The following SEMA7A variants were observed in gnomAD, a reference collection of about 807,000 sequenced individuals.
The protein encoded by SEMA7A is semaphorin 7A (JohnMiltonHagen blood group).
A neutral mutation model predicts 67.5 loss-of-function variants in SEMA7A; 21 were observed. That is an observed-to-expected ratio of 0.31 (90% CI 0.22 to 0.45). SEMA7A has a LOEUF of 0.45. Ranked by LOEUF, SEMA7A falls within the 20% of genes least tolerant of loss-of-function variation. SEMA7A has a pLI of 1.00. For missense variants in SEMA7A, 774 were observed against 908.6 expected, an observed-to-expected ratio of 0.85 and a Z score of 1.90; for synonymous variants, 364 against 368.5, an observed-to-expected ratio of 0.99 and a Z score of 0.14.
chr15:74,421,881 G>C (rs1048932182), intron 1 of SEMA7A, among the ~76,000 whole-genome samples: 1 of 152,186 alleles, frequency 6.6e-6, no homozygotes, highest in Non-Finnish European at 1.5e-5. Context: ...CCCTAAAAAG[G>C]CCAGGCCAAG....
At position 74,414,018 on chromosome 15, in the gene SEMA7A, A is replaced by C. The variant is rs1023881850; in HGVS notation, c.1294+529T>G. ...CCCAGCAGGGCCTACTCCAGGGAAG[A>C]AGAGAAGCTGCCCCTGTCCTCTGTG... On this transcript the variant is annotated intron_variant, in intron 10 of 13. Coordinates refer to ENST00000261918, the MANE Select transcript of SEMA7A (RefSeq NM_003612.5). This position sits in a 1 kb window ranked among gnomAD's most constrained non-coding sequence, Gnocchi z 4.1. Among the ~76,000 whole-genome samples, 2 of 152,168 alleles carry C rather than the reference A, an allele frequency of 1.3e-5. No homozygotes were observed. The highest frequency in any genetic ancestry group is 2.9e-5 in the Non-Finnish European group (2 of 68,018).
chr15:74,426,141 G>A (rs1051205309), intron 1 of SEMA7A, among the ~76,000 whole-genome samples: 2 of 152,152 alleles, frequency 1.3e-5, no homozygotes, highest in Non-Finnish European at 2.9e-5. Context: ...CAGACATGGT[G>A]GTGTGCGCCT....
rs757881557 is a variant in SEMA7A at position 74,411,819 on chromosome 15, C to G, written c.1422+66G>C. 1.0e-4 allele frequency: 167 copies of G among 1,604,740 alleles called. No homozygotes were observed. Among genetic ancestry groups the G allele is most frequent in the Non-Finnish European group, 1.3e-4 (158 of 1,175,978 alleles). Reference sequence around the variant, plus strand: ...CTTAAAAGAACACACAAATCACATGCAAAGGAGCCCTGTCCTCAGCTGCAG... The same window carrying G: ...CTTAAAAGAACACACAAATCACATGGAAAGGAGCCCTGTCCTCAGCTGCAG... On this transcript the variant is annotated intron_variant, in intron 11 of 13. Transcript: ENST00000261918. The surrounding 1 kb of genome is among the most constrained non-coding windows in gnomAD (Gnocchi z 4.4).
chr15:74,415,706 C>T, intron 8 of SEMA7A, 95 bp downstream of exon 8: 1 of 1,276,828 alleles, frequency 7.8e-7, no homozygotes, highest in Non-Finnish European at 1.1e-6. Context: ...CTGCTCCTGC[C>T]ACACCAGGGA....
chr15:74,429,679 G>T (rs905821130), intron 1 of SEMA7A, among the ~76,000 whole-genome samples: 1 of 152,170 alleles, frequency 6.6e-6, no homozygotes, highest in African/African-American at 2.4e-5. Flanking sequence ...TCACTGCTGC[G>T]CCAGTCATAG....
chr15:74,416,320 C>T (rs552420806), intron 7 of SEMA7A, among the ~76,000 whole-genome samples: 1 of 145,634 alleles, frequency 6.9e-6, no homozygotes, highest in Admixed American at 6.8e-5. Flanking sequence ...ACAGGCAAAA[C>T]ACACACACAC....
chr15:74,430,244 G>A (rs149216006), intron 1 of SEMA7A, among the ~76,000 whole-genome samples: 33 of 152,228 alleles, frequency 2.2e-4, no homozygotes, highest in African/African-American at 6.3e-4. Flanking sequence ...AGGAAAGAAC[G>A]CGAACTTAAG....
rs2060879645 is a variant in SEMA7A at position 74,409,409 on chromosome 15, C to G, written c.*1215G>C. 1 of 152,320 alleles carries G rather than the reference C, an allele frequency of 6.6e-6. No individual in the cohort carries two copies. Among genetic ancestry groups the G allele is most frequent in the Non-Finnish European group, 1.5e-5 (1 of 68,104 alleles). 9.4% of individuals were successfully genotyped at this position (152,320 alleles called of 1,614,324 possible). The stretch of plus-strand genomic sequence containing the variant: ...CACTGCCCTGGGTGGCCAGACACAG[C>G]CGGAGAAGGGCCCAGCTCCCCCCTG... On this transcript the variant is annotated 3_prime_UTR_variant, in exon 14 of 14. Coordinates refer to ENST00000261918, the MANE Select transcript of SEMA7A (RefSeq NM_003612.5).
chr15:74,422,615 G>T (rs2061009464), intron 1 of SEMA7A, among the ~76,000 whole-genome samples: 1 of 152,220 alleles, frequency 6.6e-6, no homozygotes, highest in Non-Finnish European at 1.5e-5. Context: ...GGCCAGATAG[G>T]AGGGCTGCAA....
At chr15:74,418,242 C>CATA in intron 3 of SEMA7A, 26 bp downstream of exon 3, 1 of 1,610,424 alleles carries the variant, frequency 6.2e-7, no homozygotes, top group Non-Finnish European at 8.5e-7. Flanking sequence ...TGGCTCAGAC[C>CATA]CCTCCATACC....
intron 7 of SEMA7A, among the ~76,000 whole-genome samples, 165 bp downstream of exon 7, chr15:74,416,406 CACAG>C (rs1476644882): frequency 6.6e-6 from 1 of 152,196 alleles, no homozygotes; most frequent in Non-Finnish European, 1.5e-5. Flanking sequence ...TTTACCCACA[CACAG>C]ACACATGATG....
intron 1 of SEMA7A, among the ~76,000 whole-genome samples, chr15:74,432,016 A>G (rs1038155722): frequency 6.9e-6 from 1 of 144,132 alleles, no homozygotes. Context: ...GCAACTTTAA[A>G]TAGCCTCAGG....
rs780358582 is a variant in SEMA7A, at chr15:74,414,812, TG to T, written c.1095+25del. 6.2e-7 allele frequency: 1 copy of T among 1,613,920 alleles called. No individual in the cohort carries two copies. Among genetic ancestry groups the T allele is most frequent in the South Asian group, 1.1e-5 (1 of 91,072 alleles). On this transcript the variant is annotated intron_variant, in intron 9 of 13. Transcript: ENST00000261918. This position sits in a 1 kb window ranked among gnomAD's most constrained non-coding sequence, Gnocchi z 4.1. ...GGTGAGGCAGAAGGAGGGCTGGGCCTGGGCCACGGCTGGTGTCACGCTCACC... is the reference window on the plus strand; with the variant it reads ...GGTGAGGCAGAAGGAGGGCTGGGCCTGGCCACGGCTGGTGTCACGCTCACC...
At chr15:74,416,325 A>G (rs1247203468) in intron 7 of SEMA7A, among the ~76,000 whole-genome samples, 1 of 150,330 alleles carries the variant, frequency 6.7e-6, no homozygotes, top group Middle Eastern at 3.4e-3. Context: ...CAAAACACAC[A>G]CACACACACA....
At chr15:74,413,412 T>C (rs2060918564) in intron 10 of SEMA7A, among the ~76,000 whole-genome samples, 1 of 152,200 alleles carries the variant, frequency 6.6e-6, no homozygotes, top group East Asian at 1.9e-4. Context: ...CGAAGACACC[T>C]TCTCTAATCA....
At chr15:74,415,563 G>A (rs1378974913) in intron 8 of SEMA7A, among the ~76,000 whole-genome samples, 2 of 152,066 alleles carry the variant, frequency 1.3e-5, no homozygotes, top group Admixed American at 1.3e-4. Flanking sequence ...CACAAGTGCA[G>A]TCATGAGTGT....
At chr15:74,417,826 C>T (rs756727110) in intron 4 of SEMA7A, 51 bp downstream of exon 4, 18 of 1,590,054 alleles carry the variant, frequency 1.1e-5, no homozygotes, top group Non-Finnish European at 1.6e-5. Context: ...GGGCAGAAGC[C>T]CACGCAGTAG....
At position 74,411,596 on chromosome 15, in the gene SEMA7A, A is replaced by C; in HGVS notation, c.1537T>G (p.Trp513Gly). Reference sequence around the variant, plus strand: ...ATGGAGATGCAGCGGCCTTGGTCCCAGCCGCAGTAGGGGTCTCGGGACATG... The same window carrying C: ...ATGGAGATGCAGCGGCCTTGGTCCCCGCCGCAGTAGGGGTCTCGGGACATG... ...CLMSRDPYCG[W>G]DQGRCISIYS... The change falls in exon 12 of 14, where the codon TGG becomes GGG. Residue 513 changes from tryptophan (W) to glycine (G), a missense_variant. Trp to Gly is a radical substitution (Grantham distance 184). This residue lies in a region of SEMA7A where 427 missense variants were observed against 555.4 expected (regional missense o/e 0.77). Transcript: ENST00000261918. The surrounding 1 kb of genome is among the most constrained non-coding windows in gnomAD (Gnocchi z 4.4). 6.3e-7 allele frequency: 1 copy of C among 1,595,294 alleles called. No individual in the cohort carries two copies. Among genetic ancestry groups the C allele is most frequent in the Non-Finnish European group, 8.5e-7 (1 of 1,170,072 alleles).
In SEMA7A at chr15:74,411,788, G is replaced by A. The variant is rs1164001480; in HGVS notation, c.1423-78C>T. 7 of 1,603,030 alleles carry A rather than the reference G, an allele frequency of 4.4e-6. No homozygotes were observed. The highest frequency in any genetic ancestry group is 2.2e-5 in the East Asian group (1 of 44,806). Reference sequence around the variant, plus strand: ...CTAAATGTCCAGGCCCTAAGGCCTAGAAGCTCTTAAAAGAACACACAAATC... The same window carrying A: ...CTAAATGTCCAGGCCCTAAGGCCTAAAAGCTCTTAAAAGAACACACAAATC... On this transcript the variant is annotated intron_variant, in intron 11 of 13. Transcript: ENST00000261918. The surrounding 1 kb of genome is among the most constrained non-coding windows in gnomAD (Gnocchi z 4.4).
Sources: allele counts gnomAD v4.1 joint callset (sites outside exome capture counted in the v4.1 genomes callset), GRCh38; gene constraint gnomAD v4.1.1; regional missense constraint gnomAD v4.1.1; non-coding constraint Gnocchi (gnomAD v3.1); transcripts MANE v1.5; gene names NCBI Gene and HGNC (gene_info 2026-07-23, HGNC 2026-07-21).